Variants in EVI5L observed in about 807,000 individuals in gnomAD.
EVI5L encodes EVI5-like protein.
EVI5L carries 30 observed loss-of-function variants against 106.1 expected under a neutral mutation model. The ratio of observed to expected loss-of-function variants is 0.28; its 90% confidence interval spans 0.21 to 0.38. EVI5L has a LOEUF of 0.38. EVI5L is among the 10% of genes least tolerant of loss of function. EVI5L has a pLI of 1.00. For synonymous variants in EVI5L, 489 were observed against 483.3 expected (o/e 1.01, Z -0.15); for missense variants, 809 against 1,098.0 (o/e 0.74, Z 3.72).
Position 7,850,003 on chromosome 19 carries a change from G to C in EVI5L, c.634G>C (p.Glu212Gln). ...ACCTGCCCGTCCCCCCTAGATGCCT[G>C]AGGAGGAGGCCTTCTGTGTGTTCGT... ...IVGLLLMQMP[E>Q]EEAFCVFVRL... is the part of the protein sequence containing the mutation. The change falls in exon 6 of 20, where the codon GAG becomes CAG. Residue 212 changes from glutamate to glutamine, a missense_variant. Physicochemically the swap from Glu to Gln is conservative, Grantham distance 29. Coordinates refer to ENST00000538904, the MANE Select transcript of EVI5L (RefSeq NM_001159944.3). This position sits in a 1 kb window ranked among gnomAD's most constrained non-coding sequence, Gnocchi z 5.4. 2 of 1,594,938 alleles carry C rather than the reference G, an allele frequency of 1.3e-6. No individual in the cohort carries two copies. Among genetic ancestry groups the C allele is most frequent in the Non-Finnish European group, 1.7e-6 (2 of 1,170,964 alleles).
rs1291726990 is a variant in EVI5L at position 7,858,395 on chromosome 19, G to A, written c.1374+64G>A. On this transcript the variant is annotated intron_variant, in intron 13 of 19. Coordinates refer to ENST00000538904, the MANE Select transcript of EVI5L (RefSeq NM_001159944.3). This position sits in a 1 kb window ranked among gnomAD's most constrained non-coding sequence, Gnocchi z 5.7. ...ACCCGCGCCCCCGCCCCCGCCCAAC[G>A]GTTTTCTTTCAGGGCTCATAATCTG... 4 of 1,463,008 alleles carry A rather than the reference G, an allele frequency of 2.7e-6. No homozygotes were observed. Among genetic ancestry groups the A allele is most frequent in the South Asian group, 2.6e-5 (2 of 76,592 alleles). The allele number at this position is 1,463,008 out of a possible 1,614,324, so 90.6% of individuals were successfully genotyped here.
At chr19:7,853,411 G>A in intron 10 of EVI5L, 78 bp downstream of exon 10, 7 of 1,541,130 alleles carry the variant, frequency 4.5e-6, no homozygotes, top group Non-Finnish European at 6.1e-6. Context: ...AAGATCGGCC[G>A]CTAGGGGGCG....
At chr19:7,862,849 C>G in intron 17 of EVI5L, 123 bp from the exon 18 acceptor site, 1 of 633,704 alleles carries the variant, frequency 1.6e-6, no homozygotes. Context: ...GCCCGCGGTC[C>G]TGCCTCCTGA....
intron 10 of EVI5L, chr19:7,853,695 G>A (rs895071647): frequency 3.9e-5 from 13 of 333,342 alleles, no homozygotes; most frequent in African/African-American, 2.1e-4. Flanking sequence ...CGGGCCCAGG[G>A]TGTCGAGGGC....
At chr19:7,836,762 AGC>A (rs1293657057) in intron 1 of EVI5L, among the ~76,000 whole-genome samples, 1 of 151,676 alleles carries the variant, frequency 6.6e-6, no homozygotes, top group Admixed American at 6.6e-5. Context: ...CTGGGATTAT[AGC>A]CATGCGCCAC....
rs540506620 is a variant in EVI5L, at chr19:7,855,812, A to G, written c.1147-203A>G. On this transcript the variant is annotated intron_variant, in intron 10 of 19. Transcript: ENST00000538904. ...GAACCCAGGTTTGTTTTAAAACTTT[A>G]TTTTTTTGTAATCAAGCCAGTCTGA... Among the ~76,000 whole-genome samples the G allele has an allele frequency of 2.6e-5, 4 of 152,204 alleles. No individual in the cohort carries two copies. The South Asian group carries it at 6.2e-4, about 24-fold the overall frequency.
intron 14 of EVI5L, among the ~76,000 whole-genome samples, chr19:7,860,894 A>G (rs1233681407): frequency 1.3e-5 from 2 of 152,026 alleles, no homozygotes; most frequent in Non-Finnish European, 2.9e-5. Flanking sequence ...GGCAGCTTCT[A>G]TGAGCTTCCC....
Position 7,860,702 on chromosome 19 carries a change from G to A in EVI5L, c.1503+13G>A. The stretch of plus-strand genomic sequence containing the variant: ...CGACATGGAAAAGGTGCAATGGGGA[G>A]GCAGACGGGCAGGTGTCGGGGGGAC... On this transcript the variant is annotated intron_variant, in intron 14 of 19. Coordinates refer to ENST00000538904, the MANE Select transcript of EVI5L (RefSeq NM_001159944.3). The A allele has an allele frequency of 1.1e-5, 18 of 1,569,198 alleles. No homozygotes were observed. Among genetic ancestry groups the A allele is most frequent in the Non-Finnish European group, 1.6e-5 (18 of 1,157,278 alleles).
In EVI5L at chr19:7,856,030, A is replaced by G; in HGVS notation, c.1162A>G (p.Asn388Asp). ...QIEIKRLRTE[N>D]RLLKQRIETL... ...ACCCCCATAGAGACTTCGGACGGAGAACCGGCTCCTGAAACAGCGGATTGA... is the reference window on the plus strand; with the variant it reads ...ACCCCCATAGAGACTTCGGACGGAGGACCGGCTCCTGAAACAGCGGATTGA... Residue 388 changes from asparagine to aspartate, a missense_variant, in exon 11 of 20, where the codon AAC (asparagine) becomes GAC (aspartate). Transcript: ENST00000538904. This position sits in a 1 kb window ranked among gnomAD's most constrained non-coding sequence, Gnocchi z 6.6. The G allele has an allele frequency of 7.5e-7, 1 of 1,328,248 alleles. No individual in the cohort carries two copies. The allele number at this position is 1,328,248 out of a possible 1,614,324, so 82.3% of individuals were successfully genotyped here. A position where few individuals can be genotyped will look rare whatever the true frequency, so the allele number is the denominator to read the frequency against.
At chr19:7,832,309 G>A (rs374832886) in intron 1 of EVI5L, among the ~76,000 whole-genome samples, 12 of 152,210 alleles carry the variant, frequency 7.9e-5, no homozygotes, top group African/African-American at 1.7e-4. Flanking sequence ...GAGCCGGGCC[G>A]GTCCAGTCCC....
intron 1 of EVI5L, among the ~76,000 whole-genome samples, chr19:7,842,045 G>C (rs149836376): frequency 6.6e-6 from 1 of 152,040 alleles, no homozygotes; most frequent in East Asian, 1.9e-4. Flanking sequence ...GTGTGTGCCT[G>C]AGTGCGGGTG....
chr19:7,847,906 G>A lies in EVI5L; in HGVS notation c.312G>A (p.Lys104=). Residue 104 remains lysine, a synonymous_variant, in exon 3 of 20, where the codon AAG becomes AAA. Transcript: ENST00000538904. The part of the protein sequence containing the change: ...ANEWEEWRRR[K]EKLLKELIRK... ...AGTGGGAGGAGTGGCGGCGCAGGAA[G>A]GAGAAGCTGCTCAAGGTGGGGGGCG... The A allele has an allele frequency of 6.4e-7, 1 of 1,554,690 alleles. No homozygotes were observed. The highest frequency in any genetic ancestry group is 8.7e-7 in the Non-Finnish European group (1 of 1,148,420).
rs200435607 is a variant in EVI5L, at chr19:7,858,179, C to G, written c.1234-12C>G. 3.9e-6 allele frequency: 6 copies of G among 1,553,874 alleles called. No homozygotes were observed. Among genetic ancestry groups the G allele is most frequent in the Non-Finnish European group, 5.2e-6 (6 of 1,148,848 alleles). On this transcript the variant is annotated splice_polypyrimidine_tract_variant and intron_variant, in intron 12 of 19. Transcript: ENST00000538904. The surrounding 1 kb of genome is among the most constrained non-coding windows in gnomAD (Gnocchi z 5.7). ...ACGGCCTCCCCCTGCCCCCTGTCCTCGCTGTTCTCAGGGGCAAGTGACACG... is the reference window on the plus strand; with the variant it reads ...ACGGCCTCCCCCTGCCCCCTGTCCTGGCTGTTCTCAGGGGCAAGTGACACG...
Position 7,856,251 on chromosome 19 carries a change from G to A in EVI5L, c.1200+183G>A, listed in dbSNP as rs1020373288. On this transcript the variant is annotated intron_variant, in intron 11 of 19. Transcript: ENST00000538904. This position sits in a 1 kb window ranked among gnomAD's most constrained non-coding sequence, Gnocchi z 6.6. ...TTTGGAGTGCCCTGCAACTGGGGGCGACTCGTATGGTGATTAATCCTGGAG... is the reference window on the plus strand; with the variant it reads ...TTTGGAGTGCCCTGCAACTGGGGGCAACTCGTATGGTGATTAATCCTGGAG... 9.2e-5 allele frequency among the ~76,000 whole-genome samples: 14 copies of A among 152,136 alleles called. No individual in the cohort carries two copies. Among genetic ancestry groups the A allele is most frequent in the African/African-American group, 2.4e-4 (10 of 41,418 alleles).
chr19:7,856,058 C>A lies in EVI5L; in HGVS notation c.1190C>A (p.Thr397Asn), dbSNP rs770798482. 6.8e-6 allele frequency: 9 copies of A among 1,328,698 alleles called. No individual in the cohort carries two copies. The highest frequency in any genetic ancestry group is 1.5e-5 in the African/African-American group (1 of 66,456). The allele number at this position is 1,328,698 out of a possible 1,614,324, so 82.3% of individuals were successfully genotyped here. A position where few individuals can be genotyped will look rare whatever the true frequency, so the allele number is the denominator to read the frequency against. Residue 397 changes from threonine (T) to asparagine (N), a missense_variant, in exon 11 of 20, where the codon ACC becomes AAC. Thr to Asn is a moderately conservative substitution (Grantham distance 65). This residue lies in a region of EVI5L where 357 missense variants were observed against 588.1 expected (regional missense o/e 0.61). Coordinates refer to ENST00000538904, the MANE Select transcript of EVI5L (RefSeq NM_001159944.3). The surrounding 1 kb of genome is among the most constrained non-coding windows in gnomAD (Gnocchi z 6.6). ...CGGCTCCTGAAACAGCGGATTGAAA[C>A]CCTAGAGAAGGTGAGGGGCGTGGCC... ...ENRLLKQRIETLEKESAALAD... is the reference protein window; with the variant it reads ...ENRLLKQRIENLEKESAALAD...
chr19:7,839,762 AAATTAG>A (rs1478143319), intron 1 of EVI5L, among the ~76,000 whole-genome samples: 1 of 151,484 alleles, frequency 6.6e-6, no homozygotes, highest in Non-Finnish European at 1.5e-5. Flanking sequence ...CAAGTCTCCA[AAATTAG>A]AAAAATTGGC....
At chr19:7,849,946 C>A (rs367946414) in intron 5 of EVI5L, 51 bp from the exon 6 acceptor site, 14 of 1,465,822 alleles carry the variant, frequency 9.6e-6, no homozygotes, top group Non-Finnish European at 1.3e-5. Flanking sequence ...CAGCGAGATG[C>A]CCCTCCCCGC....
chr19:7,848,517 A>T lies in EVI5L; in HGVS notation c.328-404A>T, dbSNP rs1211538366. Among the ~76,000 whole-genome samples the T allele has an allele frequency of 6.6e-6, 1 of 152,056 alleles. No homozygotes were observed. The highest frequency in any genetic ancestry group is 6.6e-5 in the Admixed American group (1 of 15,258). On this transcript the variant is annotated intron_variant, in intron 3 of 19. Transcript: ENST00000538904. The surrounding 1 kb of genome is among the most constrained non-coding windows in gnomAD (Gnocchi z 4.8). Reference sequence around the variant, plus strand: ...GAGGCTGAGGCAGGAGAATCACTTGAACCTGGGAGGCAAGAGGTAGCAGTG... The same window carrying T: ...GAGGCTGAGGCAGGAGAATCACTTGTACCTGGGAGGCAAGAGGTAGCAGTG...
Position 7,863,124 on chromosome 19 carries a change from G to T in EVI5L, c.2043+57G>T. The T allele has an allele frequency of 6.5e-7, 1 of 1,533,940 alleles. No individual in the cohort carries two copies. Among genetic ancestry groups the T allele is most frequent in the South Asian group, 1.2e-5 (1 of 82,948 alleles). ...GGCGGGGGCAGGGCCCGGGGCAGGA[G>T]CGGGGCCGGACCCCAGGCCCAGCAT... On this transcript the variant is annotated intron_variant, in intron 18 of 19. Transcript: ENST00000538904. The surrounding 1 kb of genome is among the most constrained non-coding windows in gnomAD (Gnocchi z 7.7).
Sources: allele counts gnomAD v4.1 joint callset (sites outside exome capture counted in the v4.1 genomes callset), GRCh38; gene constraint gnomAD v4.1.1; regional missense constraint gnomAD v4.1.1; non-coding constraint Gnocchi (gnomAD v3.1); transcripts MANE v1.5; gene names NCBI Gene and HGNC (gene_info 2026-07-23, HGNC 2026-07-21).